The following DSCAM variants were observed in gnomAD, a reference collection of about 807,000 sequenced individuals.
The protein encoded by DSCAM is cell adhesion molecule DSCAM.
DSCAM carries 47 observed loss-of-function variants against 217.7 expected under a neutral mutation model. The ratio of observed to expected loss-of-function variants is 0.22; its 90% CI spans 0.17 to 0.28. The LOEUF (loss-of-function observed/expected upper bound fraction) is 0.28, where lower values mean the gene tolerates loss of function less well. Ranked by LOEUF, DSCAM falls within the 10% of genes least tolerant of loss-of-function variation. DSCAM has a pLI of 1.00. For missense variants in DSCAM, 2,080 were observed against 2,618.3 expected (o/e 0.79, Z 4.49); for synonymous variants, 1,056 against 1,015.3 (o/e 1.04, Z -0.76).
chr21:40,584,950 G>A (rs2076933159), intron 3 of DSCAM, among the ~76,000 whole-genome samples: 1 of 152,104 alleles, frequency 6.6e-6, no homozygotes, highest in African/African-American at 2.4e-5. Flanking sequence ...ACGGTAATGA[G>A]TGAGTTTCAG....
At chr21:40,086,421 C>A (rs1049718632) in intron 22 of DSCAM, among the ~76,000 whole-genome samples, 7 of 152,146 alleles carry the variant, frequency 4.6e-5, no homozygotes, top group Non-Finnish European at 8.8e-5. Context: ...GAAAAGTGGT[C>A]ACTAAACCAA....
chr21:40,233,514 C>T (rs563763231), intron 11 of DSCAM, among the ~76,000 whole-genome samples: 6 of 152,070 alleles, frequency 3.9e-5, no homozygotes, highest in Non-Finnish European at 7.4e-5. Context: ...ACACACAACA[C>T]GTAATATTGC....
At position 40,300,412 on chromosome 21, in the gene DSCAM, G is replaced by T. The variant is rs190368132; in HGVS notation, c.2063-4238C>A. The stretch of plus-strand genomic sequence containing the variant: ...TCTGCATCTCCACTGCCACACCCCA[G>T]TCACAGTGAGTAGTCTGGTTATGTG... On this transcript the variant is annotated intron_variant, in intron 9 of 32. Transcript: ENST00000400454. Among the ~76,000 whole-genome samples, 45 of 152,314 alleles carry T rather than the reference G, an allele frequency of 3.0e-4. No homozygotes were observed. In the East Asian group the frequency reaches 8.1e-3, roughly 27 times the overall value.
chr21:40,735,269 C>A (rs2091051665), intron 1 of DSCAM, among the ~76,000 whole-genome samples: 1 of 152,148 alleles, frequency 6.6e-6, no homozygotes, highest in Non-Finnish European at 1.5e-5. Flanking sequence ...TTTGTGTTTA[C>A]TGAATTAAAT....
intron 3 of DSCAM, among the ~76,000 whole-genome samples, chr21:40,414,885 T>C (rs553982117): frequency 2.0e-5 from 3 of 152,344 alleles, no homozygotes; most frequent in African/African-American, 4.8e-5. Flanking sequence ...GAGCTATTTA[T>C]TCATCTCAGC....
At chr21:40,223,132 T>C (rs531434201) in intron 11 of DSCAM, among the ~76,000 whole-genome samples, 1 of 152,264 alleles carries the variant, frequency 6.6e-6, no homozygotes, top group African/African-American at 2.4e-5. Context: ...CAGCCTGCCC[T>C]CAGTCCCTGC....
intron 3 of DSCAM, among the ~76,000 whole-genome samples, chr21:40,434,831 G>A (rs1316995277): frequency 6.6e-6 from 1 of 152,174 alleles, no homozygotes; most frequent in East Asian, 1.9e-4. Flanking sequence ...TGGGGAGAAT[G>A]TACAATCACT....
At chr21:40,737,890 G>T (rs1159985722) in intron 1 of DSCAM, among the ~76,000 whole-genome samples, 6 of 152,142 alleles carry the variant, frequency 3.9e-5, no homozygotes, top group African/African-American at 1.4e-4. Context: ...CTCCTGTCAT[G>T]CAGAAACCAC....
intron 3 of DSCAM, among the ~76,000 whole-genome samples, chr21:40,545,956 A>G (rs1215819449): frequency 6.6e-6 from 1 of 152,168 alleles, no homozygotes; most frequent in Non-Finnish European, 1.5e-5. Context: ...GTGGGTTTCC[A>G]GCCTTGGCGA....
intron 3 of DSCAM, among the ~76,000 whole-genome samples, chr21:40,378,536 ATT>A (rs1033265900): frequency 6.9e-6 from 1 of 145,204 alleles, no homozygotes; most frequent in African/African-American, 2.5e-5. Context: ...CGGATGCATA[ATT>A]TAACAATGAA....
chr21:40,271,552 T>C (rs2073617119), intron 11 of DSCAM, among the ~76,000 whole-genome samples: 1 of 152,140 alleles, frequency 6.6e-6, no homozygotes, highest in African/African-American at 2.4e-5. Flanking sequence ...ATTCAGTGGG[T>C]TTTGGAGCTG....
At chr21:40,034,015 A>G (rs1001513516) in intron 32 of DSCAM, among the ~76,000 whole-genome samples, 1 of 72,818 alleles carries the variant, frequency 1.4e-5, no homozygotes, top group Non-Finnish European at 2.8e-5. Context: ...ATCCACACCA[A>G]AAACCCATCT....
intron 3 of DSCAM, among the ~76,000 whole-genome samples, chr21:40,508,622 G>A (rs2076227795): frequency 6.6e-6 from 1 of 150,416 alleles, no homozygotes; most frequent in Non-Finnish European, 1.5e-5. Flanking sequence ...AGACTGGAAT[G>A]CAGCGGTGCA....
intron 1 of DSCAM, among the ~76,000 whole-genome samples, chr21:40,804,436 C>T (rs1174035143): frequency 6.6e-6 from 1 of 152,080 alleles, no homozygotes; most frequent in Non-Finnish European, 1.5e-5. Context: ...TGACTCTGGT[C>T]ATCATTTAGG....
chr21:40,476,418 T>C (rs375711597), intron 3 of DSCAM, among the ~76,000 whole-genome samples: 4 of 152,302 alleles, frequency 2.6e-5, no homozygotes, highest in African/African-American at 9.6e-5. Context: ...TATGCATATA[T>C]TGCATGCAAA....
intron 26 of DSCAM, 147 bp from the exon 27 acceptor site, chr21:40,075,360 G>A: frequency 2.3e-6 from 2 of 864,584 alleles, no homozygotes; most frequent in Non-Finnish European, 3.5e-6. Context: ...TCTAGGCCCT[G>A]GCTAACTTTT....
intron 5 of DSCAM, among the ~76,000 whole-genome samples, chr21:40,352,511 T>C (rs1184271215): frequency 2.0e-5 from 3 of 151,760 alleles, no homozygotes; most frequent in African/African-American, 4.8e-5. Context: ...AGGCTGGTGT[T>C]GCGCTAAGGC....
In DSCAM at chr21:40,013,178, C is replaced by T. The variant is rs961226676; in HGVS notation, c.5895G>A (p.Pro1965=). ...SSTREGQSWQ[P]GAVATLPQRE... ...GCTGAGGTAATGTGGCCACGGCCCC[C>T]GGCTGCCACGACTGTCCTTCTCTCG... is the stretch of plus-strand genomic sequence containing the variant. Residue 1965 remains proline, a synonymous_variant, in exon 33 of 33, where the codon CCG becomes CCA. Transcript: ENST00000400454. The T allele has an allele frequency of 6.2e-6, 10 of 1,613,276 alleles. No homozygotes were observed. The highest frequency in any genetic ancestry group is 8.5e-6 in the Non-Finnish European group (10 of 1,179,698).
chr21:40,738,865 G>A (rs1369944812), intron 1 of DSCAM, among the ~76,000 whole-genome samples: 1 of 152,078 alleles, frequency 6.6e-6, no homozygotes, highest in Non-Finnish European at 1.5e-5. Context: ...ACTTCAACTC[G>A]CCATCCCTCA....
Sources: gnomAD v4.1 joint callset for allele counts (sites outside exome capture counted in the v4.1 genomes callset) on GRCh38, gnomAD v4.1.1 for gene constraint, MANE v1.5 for transcripts, NCBI Gene and HGNC (gene_info 2026-07-23, HGNC 2026-07-21) for gene names.